PCDHGA4: variants seen among roughly 807,000 people sequenced by gnomAD.
PCDHGA4 encodes the protein protocadherin gamma-A4.
A neutral mutation model predicts 54.6 loss-of-function variants in PCDHGA4; 38 were observed. That is an observed-to-expected ratio of 0.70 (90% CI 0.54 to 0.91). PCDHGA4 has a LOEUF of 0.91. Among genes scored for constraint, PCDHGA4 ranks in the 40% least tolerant of loss-of-function variants. PCDHGA4 has a pLI of 0.00. For missense variants in PCDHGA4, 1,298 were observed against 1,220.9 expected, an observed-to-expected ratio of 1.06 and a Z score of -0.94; for synonymous variants, 511 against 512.9, an observed-to-expected ratio of 1.00 and a Z score of 0.05.
chr5:141,415,896 AC>A, intron 1 of PCDHGA4: 1 of 882,726 alleles, frequency 1.1e-6, no homozygotes, highest in East Asian at 3.3e-5. Flanking sequence ...AATTCCTAAG[AC>A]AGACTTCCAT....
At chr5:141,424,068 G>T in intron 1 of PCDHGA4, 1 of 993,858 alleles carries the variant, frequency 1.0e-6, no homozygotes. Flanking sequence ...TCACTGATTT[G>T]TAGTTATATT....
Position 141,356,640 on chromosome 5 carries a change from C to A in PCDHGA4, c.1533C>A (p.Asp511Glu), listed in dbSNP as rs758426819. The change falls in exon 1 of 4, where the codon GAC becomes GAA. Residue 511 changes from aspartate to glutamate, a missense_variant. By Grantham distance (45) the Asp-to-Glu change is conservative (BLOSUM62 2). Coordinates refer to ENST00000571252, the MANE Select transcript of PCDHGA4 (RefSeq NM_018917.4). ...TATCTATGACTGCTCAAGACCCTGA[C>A]AGTGGTGACAATGCCCGAATCACTT... ...SILSMTAQDP[D>E]SGDNARITYS... The A allele has an allele frequency of 6.2e-7, 1 of 1,614,164 alleles. No individual in the cohort carries two copies. The highest frequency in any genetic ancestry group is 8.5e-7 in the Non-Finnish European group (1 of 1,179,998).
At chr5:141,472,729 T>G (rs2099294506) in intron 1 of PCDHGA4, among the ~76,000 whole-genome samples, 1 of 152,004 alleles carries the variant, frequency 6.6e-6, no homozygotes. Context: ...CTCACACCTG[T>G]AATCCCAGCA....
At chr5:141,358,377 A>G (rs988278007) in intron 1 of PCDHGA4, among the ~76,000 whole-genome samples, 1 of 152,136 alleles carries the variant, frequency 6.6e-6, no homozygotes, top group African/African-American at 2.4e-5. Context: ...TTCACACTCT[A>G]CCATGCTTTG....
intron 1 of PCDHGA4, among the ~76,000 whole-genome samples, chr5:141,456,733 G>A (rs1186997201): frequency 6.6e-6 from 1 of 152,182 alleles, no homozygotes; most frequent in Non-Finnish European, 1.5e-5. Context: ...GGGAGGCTGA[G>A]GCGGGAGCAT....
intron 1 of PCDHGA4, chr5:141,418,974 G>C (rs754074516): frequency 1.0e-4 from 167 of 1,613,818 alleles, no homozygotes; most frequent in Non-Finnish European, 1.4e-4. Flanking sequence ...TTCAAAACAC[G>C]GGACCAAGAC....
intron 1 of PCDHGA4, among the ~76,000 whole-genome samples, chr5:141,465,839 G>A (rs1166392052): frequency 6.6e-6 from 1 of 151,400 alleles, no homozygotes; most frequent in Non-Finnish European, 1.5e-5. Context: ...AATTTCAACT[G>A]AGGCTGGGCC....
intron 1 of PCDHGA4, chr5:141,395,096 C>G (rs769366827): frequency 5.6e-6 from 9 of 1,614,186 alleles, no homozygotes; most frequent in Middle Eastern, 1.6e-4. Flanking sequence ...CCCTCACCGC[C>G]GACTCGCGGA....
In PCDHGA4 at chr5:141,356,591, A is replaced by G; in HGVS notation, c.1484A>G (p.Asn495Ser). The change falls in exon 1 of 4, where the codon AAC (asparagine) becomes AGC (serine). Residue 495 changes from asparagine (N) to serine (S), a missense_variant. Coordinates refer to ENST00000571252, the MANE Select transcript of PCDHGA4 (RefSeq NM_018917.4). ...HASYSAYIPE[N>S]NPRGASILSM... ...TCCTACTCTGCTTACATTCCTGAAA[A>G]CAACCCCAGAGGAGCCTCCATCTTA... The G allele has an allele frequency of 1.2e-6, 2 of 1,614,128 alleles. No individual in the cohort carries two copies. Among genetic ancestry groups the G allele is most frequent in the Non-Finnish European group, 1.7e-6 (2 of 1,180,026 alleles).
Position 141,487,691 on chromosome 5 carries a change from A to T in PCDHGA4, c.2515-7116A>T. On this transcript the variant is annotated intron_variant, in intron 1 of 3. Transcript: ENST00000571252. The surrounding 1 kb of genome is among the most constrained non-coding windows in gnomAD (Gnocchi z 5.0). ...CATATGGCTAGGCCATGTCCTAGAG[A>T]GTACTGGCCTCTCAGTAAGTGCCCA... 6.2e-7 allele frequency: 1 copy of T among 1,604,122 alleles called. No individual in the cohort carries two copies. The highest frequency in any genetic ancestry group is 8.5e-7 in the Non-Finnish European group (1 of 1,174,384).
rs1428628914 is a variant in PCDHGA4, at chr5:141,487,223, G to A, written c.2515-7584G>A. 1.2e-6 allele frequency: 2 copies of A among 1,614,076 alleles called. No homozygotes were observed. The highest frequency in any genetic ancestry group is 2.2e-5 in the East Asian group (1 of 44,866). The stretch of plus-strand genomic sequence containing the variant: ...TCTTCGAGAATCTTCAGCTCCAAGG[G>A]AAGGAGAATCTCGTCTAACCCTCTA... On this transcript the variant is annotated intron_variant, in intron 1 of 3. Transcript: ENST00000571252. This position sits in a 1 kb window ranked among gnomAD's most constrained non-coding sequence, Gnocchi z 5.0.
intron 1 of PCDHGA4, among the ~76,000 whole-genome samples, chr5:141,451,719 TA>T (rs2098722539): frequency 6.6e-6 from 1 of 152,016 alleles, no homozygotes; most frequent in Non-Finnish European, 1.5e-5. Flanking sequence ...CTGCCTCTAC[TA>T]AAAATACAAA....
intron 1 of PCDHGA4, among the ~76,000 whole-genome samples, chr5:141,437,426 C>T (rs531265278): frequency 6.6e-6 from 1 of 152,268 alleles, no homozygotes; most frequent in South Asian, 2.1e-4. Flanking sequence ...CTTTTTGAAG[C>T]AGCAATAGCA....
Position 141,357,291 on chromosome 5 carries a change from G to T in PCDHGA4, c.2184G>T (p.Val728=), listed in dbSNP as rs771398262. 1.9e-6 allele frequency: 3 copies of T among 1,613,944 alleles called. No homozygotes were observed. In the South Asian group the frequency reaches 3.3e-5, roughly 18 times the overall value. The part of the protein sequence containing the change: ...SGLTLYLVVA[V]AAVSCVFLAF... ...TCACACTCTATCTCGTGGTGGCAGTGGCCGCTGTCTCCTGCGTCTTCCTGG... is the reference window on the plus strand; with the variant it reads ...TCACACTCTATCTCGTGGTGGCAGTTGCCGCTGTCTCCTGCGTCTTCCTGG... The change falls in exon 1 of 4, where the codon GTG becomes GTT. Residue 728 remains valine (V), a synonymous_variant. Coordinates refer to ENST00000571252, the MANE Select transcript of PCDHGA4 (RefSeq NM_018917.4).
rs2094486958 is a variant in PCDHGA4, at chr5:141,404,117, A to C, written c.2514+46496A>C. 3 of 1,613,468 alleles carry C rather than the reference A, an allele frequency of 1.9e-6. No homozygotes were observed. Among genetic ancestry groups the C allele is most frequent in the Non-Finnish European group, 1.7e-6 (2 of 1,179,548 alleles). On this transcript the variant is annotated intron_variant, in intron 1 of 3. Coordinates refer to ENST00000571252, the MANE Select transcript of PCDHGA4 (RefSeq NM_018917.4). ...TCAAGTTGTCTGTTCTATCCAGGAG[A>C]ATCTATCTTTTACATTAGAAAATTC...
intron 1 of PCDHGA4, chr5:141,371,806 T>A (rs773656836): frequency 6.2e-7 from 1 of 1,613,888 alleles, no homozygotes; most frequent in South Asian, 1.1e-5. Context: ...GGAGCCTCCA[T>A]TGCGCATGTC....
Position 141,370,733 on chromosome 5 carries a change from T to C in PCDHGA4, c.2514+13112T>C, listed in dbSNP as rs764261281. On this transcript the variant is annotated intron_variant, in intron 1 of 3. Coordinates refer to ENST00000571252, the MANE Select transcript of PCDHGA4 (RefSeq NM_018917.4). Reference sequence around the variant, plus strand: ...AATTTGAAATGGTTGCTGAAAAGCCTTTAAACTTTTTTCATGTAACTGTGC... The same window carrying C: ...AATTTGAAATGGTTGCTGAAAAGCCCTTAAACTTTTTTCATGTAACTGTGC... The C allele has an allele frequency of 1.2e-4, 186 of 1,613,884 alleles. No homozygotes were observed. The Admixed American group carries it at 1.2e-3, about 10-fold the overall frequency.
In PCDHGA4 at chr5:141,511,186, G is replaced by T; in HGVS notation, c.*13G>T. On this transcript the variant is annotated 3_prime_UTR_variant, in exon 4 of 4. Transcript: ENST00000571252. ...GGAGAAGAAGTAACATGGAGGCCAG[G>T]CCAAGAGCCACAGGGCGGCCTCTCC... 6.2e-7 allele frequency: 1 copy of T among 1,613,906 alleles called. No individual in the cohort carries two copies. The highest frequency in any genetic ancestry group is 2.2e-5 in the East Asian group (1 of 44,876).
At chr5:141,417,888 G>T (rs1406210540) in intron 1 of PCDHGA4, 1 of 1,566,768 alleles carries the variant, frequency 6.4e-7, no homozygotes, top group Middle Eastern at 1.7e-4. Context: ...CAGAGGCGCC[G>T]GGCCGGCCCG....
Sources: gnomAD v4.1 joint callset for allele counts (sites outside exome capture counted in the v4.1 genomes callset) on GRCh38, gnomAD v4.1.1 for gene constraint, Gnocchi (gnomAD v3.1) non-coding constraint, MANE v1.5 for transcripts, NCBI Gene and HGNC (gene_info 2026-07-23, HGNC 2026-07-21) for gene names.